The following ITGA1 variants were observed in gnomAD, a reference collection of about 807,000 sequenced individuals.
The protein encoded by ITGA1 is integrin subunit alpha 1.
A neutral mutation model predicts 145.9 loss-of-function variants in ITGA1; 85 were observed. The ratio of observed to expected loss-of-function variants is 0.58; its 90% CI spans 0.49 to 0.70. The LOEUF is 0.70. ITGA1 is among the 30% of genes least tolerant of loss of function. ITGA1 has a pLI of 0.00. For synonymous variants in ITGA1, 520 were observed against 495.3 expected (o/e 1.05, Z -0.66); for missense variants, 1,351 against 1,418.7 (o/e 0.95, Z 0.77).
intron 6 of ITGA1, among the ~76,000 whole-genome samples, chr5:52,873,461 T>G (rs1466398777): frequency 6.6e-6 from 1 of 152,246 alleles, no homozygotes; most frequent in African/African-American, 2.4e-5. Flanking sequence ...GTATCTATTA[T>G]GTATCAACTT....
intron 1 of ITGA1, among the ~76,000 whole-genome samples, chr5:52,822,119 T>C (rs547716259): frequency 6.6e-6 from 1 of 152,350 alleles, no homozygotes; most frequent in South Asian, 2.1e-4. Context: ...CCTGACCTTT[T>C]ATCCTTTATA....
intron 1 of ITGA1, among the ~76,000 whole-genome samples, chr5:52,835,965 T>G (rs932435587): frequency 6.6e-6 from 1 of 152,236 alleles, no homozygotes; most frequent in Non-Finnish European, 1.5e-5. Context: ...TAGAAACACC[T>G]TGGCATTTCT....
chr5:52,886,031 G>A, intron 7 of ITGA1, among the ~76,000 whole-genome samples: 1 of 152,180 alleles, frequency 6.6e-6, no homozygotes, highest in East Asian at 1.9e-4. Flanking sequence ...AATGAGGAAT[G>A]TGATCAGATA....
intron 24 of ITGA1, among the ~76,000 whole-genome samples, chr5:52,938,187 G>A (rs946659512): frequency 6.6e-6 from 1 of 152,058 alleles, no homozygotes; most frequent in Non-Finnish European, 1.5e-5. Flanking sequence ...CTTGATTTGT[G>A]GTAATCAAAC....
intron 1 of ITGA1, chr5:52,800,996 T>C (rs565843408): frequency 6.2e-7 from 1 of 1,614,128 alleles, no homozygotes; most frequent in East Asian, 2.2e-5. Flanking sequence ...CACTTTGATG[T>C]TGTAAAGTGC....
At chr5:52,914,682 G>A (rs571991525) in intron 14 of ITGA1, among the ~76,000 whole-genome samples, 3 of 152,096 alleles carry the variant, frequency 2.0e-5, no homozygotes, top group Non-Finnish European at 4.4e-5. Context: ...TGCCTTAGTA[G>A]GCTTCTTATT....
At chr5:52,866,591 T>C (rs73106310) in intron 6 of ITGA1, among the ~76,000 whole-genome samples, 8,341 of 152,248 alleles carry the variant, frequency 0.055, 363 homozygotes, top group African/African-American at 0.12. Context: ...TTGTCCTTTC[T>C]GTTAATAATT....
At chr5:52,946,361 C>A (rs1270379783) in intron 27 of ITGA1, among the ~76,000 whole-genome samples, 2 of 152,030 alleles carry the variant, frequency 1.3e-5, no homozygotes, top group Non-Finnish European at 2.9e-5. Flanking sequence ...TAGTGAAACC[C>A]CATCTGTGTT....
At chr5:52,799,025 G>T (rs1561210890) in intron 1 of ITGA1, among the ~76,000 whole-genome samples, 1 of 152,150 alleles carries the variant, frequency 6.6e-6, no homozygotes, top group Admixed American at 6.5e-5. Flanking sequence ...GCCAAACTCA[G>T]ATTCCTTCCT....
chr5:52,944,900 G>T, intron 26 of ITGA1, 43 bp from the exon 27 acceptor site: 1 of 1,322,676 alleles, frequency 7.6e-7, no homozygotes, highest in South Asian at 1.2e-5. Context: ...CTCTCATTTT[G>T]ATTAGCATCA....
At chr5:52,795,698 T>G (rs1748327754) in intron 1 of ITGA1, among the ~76,000 whole-genome samples, 1 of 151,942 alleles carries the variant, frequency 6.6e-6, no homozygotes, top group Non-Finnish European at 1.5e-5. Flanking sequence ...TCTTGTCCCT[T>G]GTTTTGTCTG....
intron 21 of ITGA1, 137 bp from the exon 22 acceptor site, chr5:52,931,910 T>TA: frequency 1.8e-6 from 1 of 552,130 alleles, no homozygotes; most frequent in Non-Finnish European, 3.2e-6. Context: ...TCACCCCAAT[T>TA]AAAAAAATGA....
intron 14 of ITGA1, among the ~76,000 whole-genome samples, chr5:52,913,008 A>G (rs1344085988): frequency 6.6e-6 from 1 of 151,824 alleles, no homozygotes; most frequent in Non-Finnish European, 1.5e-5. Flanking sequence ...GGCCTCCCAA[A>G]GTGTTGGGAT....
In ITGA1 at chr5:52,937,524, G is replaced by T; in HGVS notation, c.3078+10G>T. ...ATTGTCATCTTCTGAGGTAAGTCAT[G>T]TGTGCCTTGGAATTATGTCATTACT... On this transcript the variant is annotated intron_variant, in intron 24 of 28. Transcript: ENST00000282588. 6.8e-7 allele frequency: 1 copy of T among 1,476,388 alleles called. No individual in the cohort carries two copies. The highest frequency in any genetic ancestry group is 9.5e-7 in the Non-Finnish European group (1 of 1,055,422). The allele number at this position is 1,476,388 out of a possible 1,614,324, so 91.5% of individuals were successfully genotyped here.
At chr5:52,842,876 G>C (rs560421123) in intron 1 of ITGA1, among the ~76,000 whole-genome samples, 2 of 152,036 alleles carry the variant, frequency 1.3e-5, no homozygotes, top group Non-Finnish European at 2.9e-5. Context: ...ACTTTTAGTA[G>C]AGATGGGGTT....
intron 10 of ITGA1, among the ~76,000 whole-genome samples, 188 bp downstream of exon 10, chr5:52,897,716 T>C (rs1408561433): frequency 6.6e-6 from 1 of 152,190 alleles, no homozygotes; most frequent in Non-Finnish European, 1.5e-5. Context: ...TAAGAAAATA[T>C]GTTCTCTCAC....
chr5:52,939,240 T>A (rs1013237299), intron 24 of ITGA1, among the ~76,000 whole-genome samples: 4 of 151,508 alleles, frequency 2.6e-5, no homozygotes, highest in Non-Finnish European at 4.4e-5. Context: ...TAAATGCTTT[T>A]CTCTCTCTGT....
intron 6 of ITGA1, among the ~76,000 whole-genome samples, chr5:52,875,265 A>T (rs981482898): frequency 6.6e-6 from 1 of 152,132 alleles, no homozygotes; most frequent in Non-Finnish European, 1.5e-5. Context: ...AGTAACATAC[A>T]AAGGGATGCT....
chr5:52,800,118 T>C (rs1342384897), intron 1 of ITGA1: 14 of 405,170 alleles, frequency 3.5e-5, no homozygotes, highest in Non-Finnish European at 6.3e-5. Context: ...CGCTGTTGCG[T>C]GCTGCCAGCG....
Sources: allele counts gnomAD v4.1 joint callset (sites outside exome capture counted in the v4.1 genomes callset), GRCh38; gene constraint gnomAD v4.1.1; transcripts MANE v1.5; gene names NCBI Gene and HGNC (gene_info 2026-07-23, HGNC 2026-07-21).